Variants in WWOX observed in about 807,000 individuals in gnomAD.
WWOX encodes the protein WW domain containing oxidoreductase, also known as WW domain-containing oxidoreductase.
WWOX carries 69 observed loss-of-function variants against 46.2 expected under a neutral mutation model. The ratio of observed to expected loss-of-function variants is 1.49; its 90% CI spans 1.23 to 1.82. The LOEUF (loss-of-function observed/expected upper bound fraction) is 1.82, where lower values mean the gene tolerates loss of function less well. WWOX is among the 40% of genes most tolerant of loss of function. The pLI, the probability that WWOX is intolerant of heterozygous loss-of-function variation, is 0.00. For missense variants in WWOX, 919 were observed against 542.6 expected, an observed-to-expected ratio of 1.69 and a Z score of -6.89; for synonymous variants, 359 against 202.6, an observed-to-expected ratio of 1.77 and a Z score of -6.56.
Position 78,594,429 on chromosome 16 carries a change from G to GC in WWOX, c.1056+161693dup, listed in dbSNP as rs138806967. ...TCTTGACGAAGAAGACTGAGGAAAG[G>GC]CCCCCCCCCCCCCCCCGCCAAATTG... On this transcript the variant is annotated intron_variant, in intron 8 of 8. Transcript: ENST00000566780. Among the ~76,000 whole-genome samples, 35 of 32,378 alleles carry GC rather than the reference G, an allele frequency of 1.1e-3. 3 individuals are homozygous for GC. The highest frequency in any genetic ancestry group is 1.4e-3 in the African/African-American group (10 of 7,368). 21.2% of individuals were successfully genotyped at this position (32,378 alleles called of 152,430 possible).
At chr16:78,526,917 C>T (rs988896204) in intron 8 of WWOX, among the ~76,000 whole-genome samples, 1 of 152,176 alleles carries the variant, frequency 6.6e-6, no homozygotes, top group Non-Finnish European at 1.5e-5. Flanking sequence ...ATAATCCCAG[C>T]ACTTTGGGAG....
intron 8 of WWOX, among the ~76,000 whole-genome samples, chr16:79,050,674 T>C (rs753286532): frequency 2.8e-4 from 42 of 152,114 alleles, no homozygotes; most frequent in Admixed American, 1.6e-3. Flanking sequence ...AGGAGTGACA[T>C]GACTTCCGTT....
intron 8 of WWOX, among the ~76,000 whole-genome samples, chr16:78,475,049 T>A (rs1201168723): frequency 1.1e-4 from 16 of 152,156 alleles, no homozygotes; most frequent in Admixed American, 1.0e-3. Context: ...TAGCCAGGCA[T>A]TCTAAATGTG....
intron 8 of WWOX, among the ~76,000 whole-genome samples, chr16:79,086,544 C>G (rs943583095): frequency 6.6e-6 from 1 of 152,192 alleles, no homozygotes; most frequent in African/African-American, 2.4e-5. Context: ...GAATGCTTCT[C>G]TCCCTCTGGA....
At chr16:78,619,353 C>G (rs1434167034) in intron 8 of WWOX, among the ~76,000 whole-genome samples, 1 of 84,108 alleles carries the variant, frequency 1.2e-5, no homozygotes, top group African/African-American at 4.8e-5. Flanking sequence ...CAGAGCAAGA[C>G]GCCATCTCAA....
intron 8 of WWOX, among the ~76,000 whole-genome samples, chr16:78,574,539 T>G (rs2044800237): frequency 6.6e-6 from 1 of 152,184 alleles, no homozygotes; most frequent in East Asian, 1.9e-4. Flanking sequence ...TCTTATGGCC[T>G]GAAGATCTGC....
At chr16:78,678,051 A>G (rs2047645638) in intron 8 of WWOX, among the ~76,000 whole-genome samples, 1 of 152,292 alleles carries the variant, frequency 6.6e-6, no homozygotes, top group South Asian at 2.1e-4. Context: ...TCCTTAGCAG[A>G]CATCATTTCT....
At chr16:78,852,696 C>G (rs1279600224) in intron 8 of WWOX, among the ~76,000 whole-genome samples, 6 of 152,060 alleles carry the variant, frequency 3.9e-5, no homozygotes, top group African/African-American at 1.4e-4. Flanking sequence ...TTGCTACACA[C>G]CAATATTAAT....
intron 8 of WWOX, among the ~76,000 whole-genome samples, chr16:78,740,482 T>G (rs1443249674): frequency 2.6e-5 from 4 of 152,144 alleles, no homozygotes; most frequent in African/African-American, 2.4e-5. Context: ...GAAAACTGAT[T>G]TCCGTTGCCC....
At chr16:78,390,190 C>G (rs541337119) in intron 6 of WWOX, among the ~76,000 whole-genome samples, 5 of 152,220 alleles carry the variant, frequency 3.3e-5, no homozygotes, top group Non-Finnish European at 7.3e-5. Context: ...TCTCACAATT[C>G]ACTGCCGCTG....
chr16:79,012,197 C>A (rs1046258080), intron 8 of WWOX, among the ~76,000 whole-genome samples: 3 of 152,162 alleles, frequency 2.0e-5, no homozygotes, highest in Non-Finnish European at 2.9e-5. Flanking sequence ...CAAGCCACAT[C>A]TGGCTGTGTG....
rs1179852826 is a variant in WWOX at position 78,695,582 on chromosome 16, CAG to C, written c.1056+262837_1056+262838del. 7.9e-5 allele frequency among the ~76,000 whole-genome samples: 12 copies of C among 152,236 alleles called. No individual in the cohort carries two copies. In the East Asian group the frequency reaches 1.7e-3, roughly 22 times the overall value. On this transcript the variant is annotated intron_variant, in intron 8 of 8. Coordinates refer to ENST00000566780, the MANE Select transcript of WWOX (RefSeq NM_016373.4). ...CCAAGGAGAGTTCAGCGGGCTGGAT[CAG>C]AGAGAGCAGAGCCATGCTGGCAAGT...
At chr16:78,403,509 C>G (rs2082460294) in intron 6 of WWOX, among the ~76,000 whole-genome samples, 1 of 152,092 alleles carries the variant, frequency 6.6e-6, no homozygotes, top group South Asian at 2.1e-4. Flanking sequence ...TGTAGCAATG[C>G]TAATGTGTTT....
intron 8 of WWOX, among the ~76,000 whole-genome samples, chr16:78,603,575 T>G (rs979738204): frequency 1.3e-5 from 2 of 152,048 alleles, no homozygotes; most frequent in South Asian, 4.2e-4. Context: ...CCACCTGTAG[T>G]CCCAGCTACT....
chr16:78,775,122 G>A (rs1210578200), intron 8 of WWOX, among the ~76,000 whole-genome samples: 1 of 152,170 alleles, frequency 6.6e-6, no homozygotes, highest in East Asian at 1.9e-4. Flanking sequence ...AAATGTGGCT[G>A]TATTTTTAGA....
chr16:79,064,313 A>G (rs1446771341), intron 8 of WWOX, among the ~76,000 whole-genome samples: 1 of 152,246 alleles, frequency 6.6e-6, no homozygotes, highest in Non-Finnish European at 1.5e-5. Flanking sequence ...ATGATGGTTT[A>G]GGGCATAGCT....
chr16:78,358,760 G>C (rs2081349098), intron 5 of WWOX, among the ~76,000 whole-genome samples: 1 of 151,538 alleles, frequency 6.6e-6, no homozygotes, highest in Admixed American at 6.6e-5. Flanking sequence ...ACAAATGAGG[G>C]AAAAATTGTT....
chr16:78,237,337 G>GT (rs1205567901), intron 5 of WWOX: 1 of 152,164 alleles, frequency 6.6e-6, no homozygotes, highest in East Asian at 1.9e-4. Flanking sequence ...GAAAGAGACT[G>GT]TTTAAAACAC....
chr16:79,027,077 C>G (rs1023890724), intron 8 of WWOX, among the ~76,000 whole-genome samples: 2 of 151,424 alleles, frequency 1.3e-5, no homozygotes, highest in African/African-American at 2.4e-5. Flanking sequence ...CCCAGCAGTT[C>G]AAGACCAGCC....
Sources: allele counts gnomAD v4.1 joint callset (sites outside exome capture counted in the v4.1 genomes callset), GRCh38; gene constraint gnomAD v4.1.1; transcripts MANE v1.5; gene names NCBI Gene and HGNC (gene_info 2026-07-23, HGNC 2026-07-21).